The following IL36B variants were observed in gnomAD, a reference collection of about 807,000 sequenced individuals.
The protein encoded by IL36B is interleukin 36 beta.
IL36B carries 23 observed loss-of-function variants against 19.3 expected under a neutral mutation model. The observed-to-expected ratio is 1.19, with a 90% CI of 0.86 to 1.69. The LOEUF is 1.69. Among genes scored for constraint, IL36B ranks in the 40% most tolerant of loss-of-function variants. The pLI is 0.00. For synonymous variants in IL36B, 59 were observed against 59.7 expected, an observed-to-expected ratio of 0.99 and a Z score of 0.05; for missense variants, 217 against 200.5, an observed-to-expected ratio of 1.08 and a Z score of -0.50.
At position 113,041,746 on chromosome 2, in the gene IL36B, T is replaced by C. The variant is rs557166136; in HGVS notation, c.-57-9980A>G. Among the ~76,000 whole-genome samples, 20 of 152,250 alleles carry C rather than the reference T, an allele frequency of 1.3e-4. No individual in the cohort carries two copies. The South Asian group carries it at 3.7e-3, about 28-fold the overall frequency. On this transcript the variant is annotated intron_variant, in intron 1 of 5. Coordinates refer to ENST00000259213, the MANE Select transcript of IL36B (RefSeq NM_014438.5). ...AATTGACAAATAAAAAGTTAAGCAATCTAATTTTTTTAGAGACAGGGTCTC... is the reference window on the plus strand; with the variant it reads ...AATTGACAAATAAAAAGTTAAGCAACCTAATTTTTTTAGAGACAGGGTCTC...
At chr2:113,029,658 A>G (rs1685036942) in intron 3 of IL36B, among the ~76,000 whole-genome samples, 1 of 152,226 alleles carries the variant, frequency 6.6e-6, no homozygotes, top group Non-Finnish European at 1.5e-5. Flanking sequence ...CCCACTTGGG[A>G]TACATGAAGT....
At position 113,022,449 on chromosome 2, in the gene IL36B, T is replaced by G. The variant is rs1684878480; in HGVS notation, c.*225A>C. The stretch of plus-strand genomic sequence containing the variant: ...ACTCTAAGGACTGGACAAAACACAT[T>G]TACAGGTTATGTAGTCCAAATCTAC... On this transcript the variant is annotated 3_prime_UTR_variant, in exon 6 of 6. Coordinates refer to ENST00000259213, the MANE Select transcript of IL36B (RefSeq NM_014438.5). 2 of 402,986 alleles carry G rather than the reference T, an allele frequency of 5.0e-6. No homozygotes were observed. Among genetic ancestry groups the G allele is most frequent in the South Asian group, 3.3e-5 (1 of 30,644 alleles). The allele number at this position is 402,986 out of a possible 1,614,324, so 25.0% of individuals were successfully genotyped here.
At chr2:113,045,155 T>C (rs1161996700) in intron 1 of IL36B, among the ~76,000 whole-genome samples, 1 of 152,212 alleles carries the variant, frequency 6.6e-6, no homozygotes, top group African/African-American at 2.4e-5. Context: ...AAATTCTTAT[T>C]TCCATACAGT....
intron 1 of IL36B, among the ~76,000 whole-genome samples, chr2:113,044,553 G>C (rs972247790): frequency 3.9e-5 from 6 of 151,910 alleles, no homozygotes; most frequent in African/African-American, 1.5e-4. Flanking sequence ...CTTTTTATTG[G>C]TGTTAACATG....
At chr2:113,035,729 T>G (rs746845874) in intron 1 of IL36B, among the ~76,000 whole-genome samples, 1 of 152,136 alleles carries the variant, frequency 6.6e-6, no homozygotes, top group African/African-American at 2.4e-5. Flanking sequence ...CAGAAATAGA[T>G]TAAGAAGAAG....
chr2:113,051,752 G>T lies in IL36B; in HGVS notation c.-58+1065C>A, dbSNP rs1685451213. ...AGCTGGAGGTCCCCTTCTGCTCACGGCTCCCTGGAGGCTGTGTCTGTGCAT... is the reference window on the plus strand; with the variant it reads ...AGCTGGAGGTCCCCTTCTGCTCACGTCTCCCTGGAGGCTGTGTCTGTGCAT... On this transcript the variant is annotated intron_variant, in intron 1 of 5. Transcript: ENST00000259213. 2.6e-5 allele frequency among the ~76,000 whole-genome samples: 4 copies of T among 152,312 alleles called. No individual in the cohort carries two copies. The South Asian group carries it at 8.3e-4, about 32-fold the overall frequency.
intron 1 of IL36B, among the ~76,000 whole-genome samples, chr2:113,048,569 A>G (rs1349715105): frequency 6.6e-6 from 1 of 152,234 alleles, no homozygotes; most frequent in Non-Finnish European, 1.5e-5. Flanking sequence ...TTGAGATTCC[A>G]CCTGAAGGTA....
intron 1 of IL36B, 28 bp from the exon 2 acceptor site, chr2:113,031,794 G>A (rs1175963166): frequency 1.9e-6 from 2 of 1,069,086 alleles, no homozygotes; most frequent in Non-Finnish European, 2.8e-6. Flanking sequence ...TGTGAGAGAA[G>A]GAGAGAAGAA....
At chr2:113,027,847 A>T (rs1188238057) in intron 4 of IL36B, 4 of 1,599,990 alleles carry the variant, frequency 2.5e-6, no homozygotes, top group Non-Finnish European at 3.4e-6. Flanking sequence ...TGTTAAGATG[A>T]CTCTGACAGC....
chr2:113,047,586 T>A (rs543782334), intron 1 of IL36B, among the ~76,000 whole-genome samples: 58 of 152,322 alleles, frequency 3.8e-4, no homozygotes, highest in African/African-American at 1.3e-3. Flanking sequence ...TATTTTCCAT[T>A]ACTTAAGCAA....
At position 113,035,736 on chromosome 2, in the gene IL36B, G is replaced by A. The variant is rs570808806; in HGVS notation, c.-57-3970C>T. Among the ~76,000 whole-genome samples the A allele has an allele frequency of 2.0e-5, 3 of 152,308 alleles. No homozygotes were observed. In the South Asian group the frequency reaches 6.2e-4, roughly 32 times the overall value. ...GTTAGAAACAGAAATAGATTAAGAAGAAGGCAATCCCAAGAGTCATGGAAT... is the reference window on the plus strand; with the variant it reads ...GTTAGAAACAGAAATAGATTAAGAAAAAGGCAATCCCAAGAGTCATGGAAT... On this transcript the variant is annotated intron_variant, in intron 1 of 5. Transcript: ENST00000259213.
chr2:113,041,951 G>A (rs913841163), intron 1 of IL36B, among the ~76,000 whole-genome samples: 1 of 152,168 alleles, frequency 6.6e-6, no homozygotes, highest in East Asian at 1.9e-4. Flanking sequence ...GCCTGGAAAG[G>A]GGGTGGCATT....
intron 1 of IL36B, among the ~76,000 whole-genome samples, chr2:113,044,260 ATGTGTGTGTGTG>A (rs56838257): frequency 0.4 from 56,253 of 142,362 alleles, 11,357 homozygotes; most frequent in East Asian, 0.66. Flanking sequence ...CTATATCTAT[ATGTGTGTGTGTG>A]TGTGTGTGTG....
intron 5 of IL36B, among the ~76,000 whole-genome samples, chr2:113,022,961 G>C (rs1463724710): frequency 6.6e-6 from 1 of 152,136 alleles, no homozygotes; most frequent in East Asian, 1.9e-4. Context: ...ACAGTGACTG[G>C]AGAAAATGAA....
chr2:113,034,666 G>A lies in IL36B; in HGVS notation c.-57-2900C>T, dbSNP rs1685135140. Among the ~76,000 whole-genome samples, 6 of 152,284 alleles carry A rather than the reference G, an allele frequency of 3.9e-5. No individual in the cohort carries two copies. In the South Asian group the frequency reaches 1.2e-3, roughly 32 times the overall value. Reference sequence around the variant, plus strand: ...TGTATGTAGTATCTCATGAATAAGAGGAAGACAGGGAAGAGAAAAGGGGAG... The same window carrying A: ...TGTATGTAGTATCTCATGAATAAGAAGAAGACAGGGAAGAGAAAAGGGGAG... On this transcript the variant is annotated intron_variant, in intron 1 of 5. Coordinates refer to ENST00000259213, the MANE Select transcript of IL36B (RefSeq NM_014438.5).
chr2:113,027,588 G>A lies in IL36B; in HGVS notation c.261+1351C>T, dbSNP rs900456195. On this transcript the variant is annotated intron_variant, in intron 4 of 5. Transcript: ENST00000259213. Reference sequence around the variant, plus strand: ...ACATCATGGGTTGGCAAAAGGAATAGGAATGGAAGGTTGCATGAAGCAGCA... The same window carrying A: ...ACATCATGGGTTGGCAAAAGGAATAAGAATGGAAGGTTGCATGAAGCAGCA... The A allele has an allele frequency of 4.3e-6, 5 of 1,150,994 alleles. No homozygotes were observed. In the Admixed American group the frequency reaches 2.2e-4, roughly 50 times the overall value. 71.3% of individuals were successfully genotyped at this position (1,150,994 alleles called of 1,614,324 possible). A position where few individuals can be genotyped will look rare whatever the true frequency, so the allele number is the denominator to read the frequency against.
intron 1 of IL36B, among the ~76,000 whole-genome samples, chr2:113,037,346 C>T (rs1685182556): frequency 6.6e-6 from 1 of 152,156 alleles, no homozygotes; most frequent in Non-Finnish European, 1.5e-5. Flanking sequence ...GAAGAGCCAG[C>T]TCATTTAGAA....
At chr2:113,027,654 T>G in intron 4 of IL36B, 3 of 1,316,180 alleles carry the variant, frequency 2.3e-6, no homozygotes, top group Non-Finnish European at 1.9e-6. Context: ...GCTGAGTGGA[T>G]GGTGGGGTAA....
At chr2:113,050,686 G>T (rs1287532928) in intron 1 of IL36B, among the ~76,000 whole-genome samples, 1 of 151,998 alleles carries the variant, frequency 6.6e-6, no homozygotes, top group African/African-American at 2.4e-5. Context: ...GACATCTATC[G>T]AATAAATAAG....
Sources: gnomAD v4.1 joint callset for allele counts (sites outside exome capture counted in the v4.1 genomes callset) on GRCh38, gnomAD v4.1.1 for gene constraint, MANE v1.5 for transcripts, NCBI Gene and HGNC (gene_info 2026-07-23, HGNC 2026-07-21) for gene names.